Variants in DCAF8L2 observed in about 807,000 individuals in gnomAD.
DCAF8L2 encodes DDB1- and CUL4-associated factor 8-like protein 2.
For synonymous variants in DCAF8L2, 200 were observed against 190.9 expected (o/e 1.05, Z -0.39); for missense variants, 430 against 490.7 (o/e 0.88, Z 1.17).
chrX:27,519,250 G>C, the DCAF8L2 span: 1 of 977,939 alleles, frequency 1.0e-6, no homozygotes, highest in East Asian at 3.0e-5. Flanking sequence ...GAAATAACTA[G>C]AAGAACAGAC....
chrX:27,563,546 T>A, the DCAF8L2 span, among the ~76,000 whole-genome samples: 2 of 112,339 alleles, frequency 1.8e-5, no homozygotes, highest in Non-Finnish European at 3.8e-5. Context: ...ATATGTCAAA[T>A]GCACTGATTT....
chrX:27,707,111 G>C (rs1931368916), intron 3 of DCAF8L2, among the ~76,000 whole-genome samples: 1 of 110,933 alleles, frequency 9.0e-6, no homozygotes, highest in Non-Finnish European at 1.9e-5. Flanking sequence ...GGTTGCCTAA[G>C]GCTAGGTGAA....
intron 3 of DCAF8L2, among the ~76,000 whole-genome samples, chrX:27,689,823 C>A: frequency 9.0e-6 from 1 of 111,681 alleles, no homozygotes; most frequent in South Asian, 3.7e-4. Context: ...GTGAGAGAAG[C>A]AGACATTAAC....
chrX:27,506,552 C>T, the DCAF8L2 span, among the ~76,000 whole-genome samples: 1 of 110,983 alleles, frequency 9.0e-6, no homozygotes, highest in Admixed American at 9.7e-5. Context: ...CCTCTTTCAA[C>T]TTCTGGTAGC....
intron 1 of DCAF8L2, among the ~76,000 whole-genome samples, chrX:27,610,204 G>A (rs996116258): frequency 1.8e-5 from 2 of 111,352 alleles, no homozygotes; most frequent in African/African-American, 6.5e-5. Flanking sequence ...CCTACAATAA[G>A]TATGTACTCT....
intron 1 of DCAF8L2, among the ~76,000 whole-genome samples, chrX:27,628,748 C>T (rs774011832): frequency 4.5e-5 from 5 of 110,227 alleles, no homozygotes; most frequent in East Asian, 5.7e-4. Context: ...GGACTACAGG[C>T]GCCCGCCACC....
chrX:27,715,311 G>A (rs1931659526), intron 3 of DCAF8L2, among the ~76,000 whole-genome samples: 1 of 103,065 alleles, frequency 9.7e-6, no homozygotes, highest in Admixed American at 1.1e-4. Context: ...AGCTTGCAGT[G>A]AGCCAAGATC....
At chrX:27,601,592 C>T (rs1926644085) in intron 1 of DCAF8L2, among the ~76,000 whole-genome samples, 2 of 109,516 alleles carry the variant, frequency 1.8e-5, no homozygotes, top group Admixed American at 2.0e-4. Context: ...CCCAGCTACT[C>T]GGGAGGCTGA....
intron 2 of DCAF8L2, among the ~76,000 whole-genome samples, chrX:27,646,605 C>A (rs750529626): frequency 5.5e-4 from 61 of 111,369 alleles, no homozygotes; most frequent in Non-Finnish European, 1.1e-3. Context: ...AGGAAAGTAT[C>A]GTCAGAGTGA....
intron 3 of DCAF8L2, among the ~76,000 whole-genome samples, chrX:27,701,532 AAAG>A (rs1466142450): frequency 9.0e-6 from 1 of 111,552 alleles, no homozygotes; most frequent in East Asian, 2.8e-4. Flanking sequence ...TCTTACTAAA[AAAG>A]AATTAAATTA....
At chrX:27,673,560 T>C (rs754006876) in intron 2 of DCAF8L2, among the ~76,000 whole-genome samples, 1 of 99,706 alleles carries the variant, frequency 1.0e-5, no homozygotes, top group East Asian at 3.1e-4. Flanking sequence ...GTAAGGATAA[T>C]AATAATAATT....
chrX:27,599,596 G>C (rs945556981), intron 1 of DCAF8L2, among the ~76,000 whole-genome samples: 1 of 111,167 alleles, frequency 9.0e-6, no homozygotes, highest in African/African-American at 3.3e-5. Context: ...ATTTTGGGAG[G>C]TGATGGAGAT....
At chrX:27,728,640 C>T (rs1321358367) in intron 4 of DCAF8L2, among the ~76,000 whole-genome samples, 2 of 111,564 alleles carry the variant, frequency 1.8e-5, no homozygotes, top group African/African-American at 6.5e-5. Flanking sequence ...CAGACATCCT[C>T]TCTTCTCAGA....
intron 4 of DCAF8L2, among the ~76,000 whole-genome samples, chrX:27,733,462 T>C (rs1921343365): frequency 8.9e-6 from 1 of 112,068 alleles, no homozygotes; most frequent in African/African-American, 3.2e-5. Context: ...TTTGCAAATA[T>C]TTTCTCTTAA....
chrX:27,587,983 AAAATATATATAT>A (rs1420152270), upstream of DCAF8L2, among the ~76,000 whole-genome samples: 6 of 25,130 alleles, frequency 2.4e-4, no homozygotes, highest in African/African-American at 1.1e-3. Flanking sequence ...ATTAAAAAAA[AAAATATATATAT>A]ATATATATAT....
the DCAF8L2 span, among the ~76,000 whole-genome samples, chrX:27,523,520 T>C: frequency 9.1e-6 from 1 of 109,603 alleles, no homozygotes; most frequent in African/African-American, 3.3e-5. Flanking sequence ...TTTTGTATGA[T>C]AAACATAGTC....
At chrX:27,725,037 A>T (rs1932024129) in intron 4 of DCAF8L2, among the ~76,000 whole-genome samples, 1 of 111,414 alleles carries the variant, frequency 9.0e-6, no homozygotes, top group Non-Finnish European at 1.9e-5. Context: ...TATGAGACTC[A>T]TATCAAGTAT....
the DCAF8L2 span, among the ~76,000 whole-genome samples, chrX:27,530,361 C>G: frequency 2.7e-5 from 3 of 110,808 alleles, no homozygotes; most frequent in South Asian, 1.2e-3. Context: ...CCCCAAACCC[C>G]GCCATTCTTC....
At chrX:27,520,740 G>A in the DCAF8L2 span, among the ~76,000 whole-genome samples, 2 of 111,951 alleles carry the variant, frequency 1.8e-5, no homozygotes, top group East Asian at 2.8e-4. Flanking sequence ...AAAGTTAGAT[G>A]TTAAGAAATT....
Sources: allele counts gnomAD v4.1 joint callset (sites outside exome capture counted in the v4.1 genomes callset), GRCh38; gene constraint gnomAD v4.1.1; transcripts MANE v1.5; gene names NCBI Gene and HGNC (gene_info 2026-07-23, HGNC 2026-07-21).